Variants in ARG2 observed in about 807,000 individuals in gnomAD.
The protein encoded by ARG2 is arginase 2.
In ARG2, 21 loss-of-function variants were observed where a neutral mutation model predicts 39.4. That is an observed-to-expected ratio of 0.53 (90% CI 0.38 to 0.77). The LOEUF is 0.77. Ranked by LOEUF, ARG2 falls within the 30% of genes least tolerant of loss-of-function variation. The pLI, the probability that ARG2 is intolerant of heterozygous loss-of-function variation, is 0.00. For missense variants in ARG2, 378 were observed against 426.2 expected, an observed-to-expected ratio of 0.89 and a Z score of 1.00; for synonymous variants, 150 against 156.7, an observed-to-expected ratio of 0.96 and a Z score of 0.32.
intron 2 of ARG2, among the ~76,000 whole-genome samples, chr14:67,625,797 T>C (rs1195260810): frequency 7.3e-6 from 1 of 137,630 alleles, no homozygotes; most frequent in Non-Finnish European, 1.5e-5. Flanking sequence ...TATTTGCAAA[T>C]CATATACCTG....
chr14:67,622,518 C>G (rs966002860), intron 2 of ARG2, among the ~76,000 whole-genome samples: 13 of 152,170 alleles, frequency 8.5e-5, no homozygotes, highest in Non-Finnish European at 1.9e-4. Context: ...TTTAATAACT[C>G]TCCAAGTTCA....
chr14:67,623,249 G>A (rs182474060), intron 2 of ARG2, among the ~76,000 whole-genome samples: 2 of 152,280 alleles, frequency 1.3e-5, no homozygotes, highest in African/African-American at 4.8e-5. Flanking sequence ...AGTACCAAGA[G>A]ACATTTCAGT....
intron 2 of ARG2, among the ~76,000 whole-genome samples, chr14:67,637,347 G>T (rs1334592505): frequency 6.8e-6 from 1 of 146,522 alleles, no homozygotes; most frequent in Admixed American, 7.0e-5. Flanking sequence ...GGAGGTGGAG[G>T]TTGCAGTGAG....
intron 2 of ARG2, among the ~76,000 whole-genome samples, chr14:67,632,812 T>A: frequency 9.1e-6 from 1 of 109,930 alleles, no homozygotes; most frequent in South Asian, 3.7e-4. Context: ...CTCTTAATTT[T>A]TTTTTTTTTT....
At chr14:67,625,790 T>C (rs138632825) in intron 2 of ARG2, among the ~76,000 whole-genome samples, 18 of 147,020 alleles carry the variant, frequency 1.2e-4, no homozygotes, top group African/African-American at 4.4e-4. Context: ...GGCAAAATAT[T>C]TGCAAATCAT....
chr14:67,636,153 C>T (rs908857682), intron 2 of ARG2, among the ~76,000 whole-genome samples: 2 of 152,102 alleles, frequency 1.3e-5, no homozygotes, highest in African/African-American at 2.4e-5. Flanking sequence ...GCTCAGCAGA[C>T]CCTCCTGTGT....
chr14:67,645,615 C>A, intron 3 of ARG2, 28 bp from the exon 4 acceptor site: 1 of 1,602,740 alleles, frequency 6.2e-7, no homozygotes, highest in South Asian at 1.1e-5. Flanking sequence ...AAGCAGAGGG[C>A]CTTCAAGATT....
At chr14:67,647,927 A>T (rs1170632007) in intron 6 of ARG2, 120 bp from the exon 7 acceptor site, 2 of 975,672 alleles carry the variant, frequency 2.0e-6, no homozygotes, top group Non-Finnish European at 3.0e-6. Flanking sequence ...CAGCTTTATT[A>T]ACAAAGTACT....
Position 67,646,299 on chromosome 14 carries a change from G to A in ARG2, c.523-345G>A, listed in dbSNP as rs184160075. ...GTTGGCAACTTGAGATGGCAACCAG[G>A]TTATGCTTCAAGAACCAATCTGTAA... is the stretch of plus-strand genomic sequence containing the variant. On this transcript the variant is annotated intron_variant, in intron 4 of 7. Transcript: ENST00000261783. 5.9e-4 allele frequency: 152 copies of A among 257,344 alleles called. 1 individual carries two copies. The highest frequency in any genetic ancestry group is 3.1e-3 in the African/African-American group (139 of 44,534). The allele number at this position is 257,344 out of a possible 1,614,324, so 15.9% of individuals were successfully genotyped here. A position where few individuals can be genotyped will look rare whatever the true frequency, so the allele number is the denominator to read the frequency against.
At chr14:67,637,136 A>G (rs1288498504) in intron 2 of ARG2, among the ~76,000 whole-genome samples, 1 of 152,198 alleles carries the variant, frequency 6.6e-6, no homozygotes, top group Non-Finnish European at 1.5e-5. Context: ...AAGGCTGGGC[A>G]TGGTGGCTCA....
intron 2 of ARG2, among the ~76,000 whole-genome samples, chr14:67,632,423 G>A (rs1159505789): frequency 1.3e-5 from 2 of 152,138 alleles, no homozygotes; most frequent in Admixed American, 6.6e-5. Flanking sequence ...TTGTTTCATG[G>A]ACTGGACAGC....
At position 67,619,923 on chromosome 14, in the gene ARG2, C is replaced by G. The variant is rs2036788722; in HGVS notation, c.-55C>G. 1 of 1,270,956 alleles carries G rather than the reference C, an allele frequency of 7.9e-7. No homozygotes were observed. The highest frequency in any genetic ancestry group is 1.1e-6 in the Non-Finnish European group (1 of 938,822). The allele number at this position is 1,270,956 out of a possible 1,614,324, so 78.7% of individuals were successfully genotyped here. On this transcript the variant is annotated 5_prime_UTR_variant, in exon 1 of 8. Transcript: ENST00000261783. ...GCAGCGGCGGGCGGTGGCGCTCACT[C>G]CCGGCTTCCAACCGCGCGGAGCCTC...
At chr14:67,635,773 AT>A (rs2036965410) in intron 2 of ARG2, among the ~76,000 whole-genome samples, 1 of 152,090 alleles carries the variant, frequency 6.6e-6, no homozygotes. Context: ...GAATTGCTTG[AT>A]CCGGTGGGTG....
chr14:67,623,567 G>T (rs1414958143), intron 2 of ARG2, among the ~76,000 whole-genome samples: 1 of 124,392 alleles, frequency 8.0e-6, no homozygotes, highest in Non-Finnish European at 1.6e-5. Flanking sequence ...TTTTGAGACG[G>T]AGTCTCGCTC....
intron 5 of ARG2, 51 bp from the exon 6 acceptor site, chr14:67,646,866 ATTTG>A: frequency 7.1e-7 from 1 of 1,416,184 alleles, no homozygotes; most frequent in South Asian, 1.2e-5. Flanking sequence ...CCAAATACAT[ATTTG>A]TTAAAAATGC....
At chr14:67,621,254 A>G (rs1053534172) in intron 2 of ARG2, among the ~76,000 whole-genome samples, 1 of 152,094 alleles carries the variant, frequency 6.6e-6, no homozygotes, top group African/African-American at 2.4e-5. Flanking sequence ...TCAACTGCAC[A>G]GTCAACCTTT....
At chr14:67,641,846 C>T (rs554084774) in intron 2 of ARG2, among the ~76,000 whole-genome samples, 77 of 152,224 alleles carry the variant, frequency 5.1e-4, no homozygotes, top group African/African-American at 1.8e-3. Context: ...ACTTAATTTC[C>T]TTTAAAATTG....
At chr14:67,626,680 G>A (rs796703601) in intron 2 of ARG2, among the ~76,000 whole-genome samples, 20 of 152,184 alleles carry the variant, frequency 1.3e-4, no homozygotes, top group African/African-American at 4.1e-4. Context: ...GGTTGGTCTC[G>A]AACTCCTAGC....
At chr14:67,623,411 G>A (rs141572259) in intron 2 of ARG2, among the ~76,000 whole-genome samples, 20 of 152,160 alleles carry the variant, frequency 1.3e-4, no homozygotes, top group South Asian at 6.2e-4. Flanking sequence ...ACAGGCTGCC[G>A]GTGTTACCAT....
Sources: allele counts gnomAD v4.1 joint callset (sites outside exome capture counted in the v4.1 genomes callset), GRCh38; gene constraint gnomAD v4.1.1; transcripts MANE v1.5; gene names NCBI Gene and HGNC (gene_info 2026-07-23, HGNC 2026-07-21).